CDH18: variants seen among roughly 807,000 people sequenced by gnomAD.
CDH18 encodes the protein cadherin 18, also known as cadherin-18.
In CDH18, 31 loss-of-function variants were observed where a neutral mutation model predicts 67.9. That is an observed-to-expected ratio of 0.46 (90% confidence interval 0.34 to 0.62). CDH18 has a LOEUF of 0.62. Among genes scored for constraint, CDH18 ranks in the 20% least tolerant of loss-of-function variants. CDH18 has a pLI of 0.01. For missense variants in CDH18, 890 were observed against 975.5 expected (o/e 0.91, Z 1.17); for synonymous variants, 362 against 347.2 (o/e 1.04, Z -0.48).
intron 1 of CDH18, among the ~76,000 whole-genome samples, chr5:20,349,942 A>T (rs892876420): frequency 3.9e-5 from 6 of 152,162 alleles, no homozygotes; most frequent in African/African-American, 1.2e-4. Context: ...TGTTTTAAAG[A>T]TGATGTCACA....
chr5:20,306,061 C>T (rs1736423116), intron 1 of CDH18, among the ~76,000 whole-genome samples: 1 of 152,148 alleles, frequency 6.6e-6, no homozygotes, highest in Non-Finnish European at 1.5e-5. Flanking sequence ...GTAAAAGAGA[C>T]AGTGCGATCA....
chr5:20,173,266 C>A (rs1736982763), intron 2 of CDH18, among the ~76,000 whole-genome samples: 1 of 151,924 alleles, frequency 6.6e-6, no homozygotes, highest in Non-Finnish European at 1.5e-5. Flanking sequence ...TGCTCTAAAC[C>A]AAAATTATGG....
At chr5:20,321,755 C>T (rs191116315) in intron 1 of CDH18, among the ~76,000 whole-genome samples, 35 of 151,984 alleles carry the variant, frequency 2.3e-4, no homozygotes, top group African/African-American at 8.4e-4. Context: ...GCTATTGTCC[C>T]CTGTACATCC....
intron 6 of CDH18, among the ~76,000 whole-genome samples, chr5:19,611,707 G>T (rs1221365966): frequency 6.6e-6 from 1 of 152,078 alleles, no homozygotes; most frequent in African/African-American, 2.4e-5. Flanking sequence ...GTGATTATTA[G>T]TGACTGTCGT....
At chr5:19,696,884 G>A (rs944816886) in intron 5 of CDH18, among the ~76,000 whole-genome samples, 2 of 152,156 alleles carry the variant, frequency 1.3e-5, no homozygotes, top group African/African-American at 4.8e-5. Context: ...TTGAATAACT[G>A]TGAGTGCTAG....
intron 2 of CDH18, among the ~76,000 whole-genome samples, chr5:19,840,866 A>C (rs1782238387): frequency 6.6e-6 from 1 of 152,230 alleles, no homozygotes; most frequent in East Asian, 1.9e-4. Flanking sequence ...AATAAAAAGT[A>C]CTAAATAAAT....
chr5:20,398,550 G>A (rs919951050), intron 1 of CDH18, among the ~76,000 whole-genome samples: 1 of 152,134 alleles, frequency 6.6e-6, no homozygotes, highest in Non-Finnish European at 1.5e-5. Flanking sequence ...GGCATCAAAA[G>A]CAATGAAACG....
chr5:19,676,791 C>G (rs958645393), intron 5 of CDH18, among the ~76,000 whole-genome samples: 1 of 151,940 alleles, frequency 6.6e-6, no homozygotes, highest in Non-Finnish European at 1.5e-5. Flanking sequence ...GGCAGCCCAC[C>G]CTAAGGGAAA....
At chr5:19,700,968 G>GA (rs201649613) in intron 5 of CDH18, among the ~76,000 whole-genome samples, 114 of 147,770 alleles carry the variant, frequency 7.7e-4, no homozygotes, top group East Asian at 3.6e-3. Flanking sequence ...GAGAAAAAAA[G>GA]AAAAAAAAAT....
chr5:20,446,278 T>G (rs1481555270), intron 1 of CDH18, among the ~76,000 whole-genome samples: 2 of 152,094 alleles, frequency 1.3e-5, no homozygotes, highest in African/African-American at 2.4e-5. Flanking sequence ...CAGAGTAGAG[T>G]CAGGGCAGTC....
At chr5:19,618,026 T>C (rs1472770916) in intron 5 of CDH18, among the ~76,000 whole-genome samples, 1 of 152,176 alleles carries the variant, frequency 6.6e-6, no homozygotes, top group Non-Finnish European at 1.5e-5. Flanking sequence ...ACACATTTTG[T>C]TTATTAGATA....
intron 2 of CDH18, among the ~76,000 whole-genome samples, chr5:19,909,074 T>C (rs1222531686): frequency 6.6e-6 from 1 of 152,052 alleles, no homozygotes; most frequent in Non-Finnish European, 1.5e-5. Context: ...AGCTAAAAAA[T>C]GAGAATAGTA....
chr5:19,551,667 T>C (rs535946171), intron 8 of CDH18, among the ~76,000 whole-genome samples: 4 of 152,178 alleles, frequency 2.6e-5, no homozygotes, highest in Non-Finnish European at 5.9e-5. Context: ...CTCCCTTTCT[T>C]TCTTGGGAAG....
intron 2 of CDH18, among the ~76,000 whole-genome samples, chr5:19,980,397 GT>G (rs775710713): frequency 3.4e-5 from 5 of 147,736 alleles, no homozygotes; most frequent in South Asian, 2.1e-4. Context: ...TTTTTAAGAT[GT>G]TTTTTTAATT....
chr5:19,640,086 C>G (rs1289248648), intron 5 of CDH18, among the ~76,000 whole-genome samples: 1 of 152,154 alleles, frequency 6.6e-6, no homozygotes, highest in African/African-American at 2.4e-5. Flanking sequence ...TAGTTTATCA[C>G]TACTAGATCT....
chr5:20,167,851 A>G (rs1169069206), intron 2 of CDH18, among the ~76,000 whole-genome samples: 1 of 152,172 alleles, frequency 6.6e-6, no homozygotes, highest in Non-Finnish European at 1.5e-5. Flanking sequence ...TTTCTGCCTG[A>G]TATCTCTTGC....
chr5:19,477,144 T>TTTA lies in CDH18; in HGVS notation c.1883-3429_1883-3428insTAA, dbSNP rs1561143415. On this transcript the variant is annotated intron_variant, in intron 12 of 12. Transcript: ENST00000382275. ...AATAAAAGGAGATATATATATATATTTATATATATATATGTATAAAATCAA... is the reference window on the plus strand; with the variant it reads ...AATAAAAGGAGATATATATATATATTTTATATATATATATATGTATAAAATCAA... Among the ~76,000 whole-genome samples the TTTA allele has an allele frequency of 2.7e-5, 4 of 147,236 alleles. No homozygotes were observed. The Admixed American group carries it at 2.7e-4, about 10-fold the overall frequency.
intron 1 of CDH18, chr5:20,305,550 C>A: frequency 1.4e-6 from 1 of 713,518 alleles, no homozygotes; most frequent in Non-Finnish European, 2.5e-6. Flanking sequence ...CTGGTGGTCG[C>A]GGGGCTGAGG....
intron 2 of CDH18, among the ~76,000 whole-genome samples, chr5:20,074,746 G>A (rs1214638430): frequency 8.2e-6 from 1 of 122,168 alleles, no homozygotes; most frequent in Non-Finnish European, 1.8e-5. Flanking sequence ...TTTTTTTTTT[G>A]CATCATTAAG....
Sources: allele counts gnomAD v4.1 joint callset (sites outside exome capture counted in the v4.1 genomes callset), GRCh38; gene constraint gnomAD v4.1.1; transcripts MANE v1.5; gene names NCBI Gene and HGNC (gene_info 2026-07-23, HGNC 2026-07-21).